Variants in CCDC43 observed in about 807,000 individuals in gnomAD.
The protein encoded by CCDC43 is coiled-coil domain containing 43, also known as coiled-coil domain-containing protein 43.
Under a neutral mutation model 33.3 loss-of-function variants are expected in CCDC43, and 20 were observed. The observed-to-expected ratio is 0.60, with a 90% CI of 0.42 to 0.87. The LOEUF (loss-of-function observed/expected upper bound fraction) is 0.87, where lower values mean the gene tolerates loss of function less well. Ranked by LOEUF, CCDC43 falls within the 40% of genes least tolerant of loss-of-function variation. The pLI is 0.00. For synonymous variants in CCDC43, 104 were observed against 106.5 expected, an observed-to-expected ratio of 0.98 and a Z score of 0.14; for missense variants, 248 against 269.9, an observed-to-expected ratio of 0.92 and a Z score of 0.57.
chr17:44,680,105 G>A (rs890840524), intron 4 of CCDC43, among the ~76,000 whole-genome samples: 9 of 151,808 alleles, frequency 5.9e-5, no homozygotes, highest in African/African-American at 1.7e-4. Context: ...AGCCTCCTGA[G>A]TATCTGGGAC....
chr17:44,688,005 T>C (rs1300384844), intron 1 of CCDC43: 1 of 152,220 alleles, frequency 6.6e-6, no homozygotes, highest in Admixed American at 6.5e-5. Context: ...ACCCAATCTA[T>C]GAACTGCTTC....
intron 3 of CCDC43, chr17:44,681,777 C>A (rs1428793799): frequency 9.4e-6 from 5 of 533,500 alleles, no homozygotes; most frequent in Non-Finnish European, 1.3e-5. Flanking sequence ...TTGTTTTACA[C>A]CAAAGTTTTC....
At chr17:44,682,391 TAAAA>T (rs67280453) in intron 2 of CCDC43, among the ~76,000 whole-genome samples, 1 of 100,994 alleles carries the variant, frequency 9.9e-6, no homozygotes, top group African/African-American at 3.9e-5. Context: ...TCTGCTGCCT[TAAAA>T]AAAAAAAAAA....
rs746397247 is a variant in CCDC43, at chr17:44,689,595, TTCC to T, written c.156_158del (p.Glu55del). 6.2e-7 allele frequency: 1 copy of T among 1,613,872 alleles called. No homozygotes were observed. The highest frequency in any genetic ancestry group is 1.3e-5 in the African/African-American group (1 of 74,928). ...CCTGCAGAGCGTCCAGCTTCTCTTCTTCCTCCTCCTCCTGCAGGATACCCAAGA... is the reference window on the plus strand; with the variant it reads ...CCTGCAGAGCGTCCAGCTTCTCTTCTTCCTCCTCCTGCAGGATACCCAAGA... On this transcript the variant is annotated inframe_deletion, in exon 1 of 5. Coordinates refer to ENST00000315286, the MANE Select transcript of CCDC43 (RefSeq NM_144609.3).
chr17:44,684,514 G>A (rs1264784547), intron 1 of CCDC43, among the ~76,000 whole-genome samples: 5 of 151,772 alleles, frequency 3.3e-5, no homozygotes, highest in East Asian at 1.9e-4. Flanking sequence ...CCTGGCCAAC[G>A]TGCTGAAACC....
At chr17:44,680,262 A>G (rs1972139992) in intron 4 of CCDC43, among the ~76,000 whole-genome samples, 1 of 152,180 alleles carries the variant, frequency 6.6e-6, no homozygotes, top group Non-Finnish European at 1.5e-5. Flanking sequence ...TGCCAGGACT[A>G]CAGGTGTAAG....
At chr17:44,684,762 C>T (rs1018439619) in intron 1 of CCDC43, among the ~76,000 whole-genome samples, 4 of 151,882 alleles carry the variant, frequency 2.6e-5, no homozygotes, top group African/African-American at 9.7e-5. Flanking sequence ...TTGAAGTATA[C>T]AATGCATTAT....
chr17:44,680,521 A>G lies in CCDC43; in HGVS notation c.487+64T>C, dbSNP rs138866645. The G allele has an allele frequency of 4.4e-3, 5,369 of 1,229,488 alleles. 21 individuals are homozygous for G. Among genetic ancestry groups the G allele is most frequent in the Non-Finnish European group, 4.4e-3 (3,696 of 837,544 alleles). 76.2% of individuals were successfully genotyped at this position (1,229,488 alleles called of 1,614,324 possible). A position where few individuals can be genotyped will look rare whatever the true frequency, so the allele number is the denominator to read the frequency against. The stretch of plus-strand genomic sequence containing the variant: ...AGGGGAGCCGCCAGCAATGACAGCA[A>G]AATAAAAACTGATCTCAAGAGGACT... On this transcript the variant is annotated intron_variant, in intron 4 of 4. Transcript: ENST00000315286.
intron 4 of CCDC43, 147 bp downstream of exon 4, chr17:44,680,438 A>G: frequency 1.7e-6 from 1 of 600,420 alleles, no homozygotes; most frequent in Non-Finnish European, 3.1e-6. Flanking sequence ...CTGACTATCT[A>G]GGGCTGTCCT....
intron 2 of CCDC43, 30 bp from the exon 3 acceptor site, chr17:44,682,168 T>A (rs753503179): frequency 6.2e-7 from 1 of 1,613,270 alleles, no homozygotes; most frequent in Non-Finnish European, 8.5e-7. Context: ...AGAACAAGGT[T>A]GTATGAGAGA....
At chr17:44,683,695 G>A (rs577871618) in intron 2 of CCDC43, among the ~76,000 whole-genome samples, 177 bp downstream of exon 2, 1 of 152,230 alleles carries the variant, frequency 6.6e-6, no homozygotes, top group Non-Finnish European at 1.5e-5. Context: ...TGCAAAAAAA[G>A]AAAAGGAAGC....
At chr17:44,688,959 C>G in intron 1 of CCDC43, 1 of 153,092 alleles carries the variant, frequency 6.5e-6, no homozygotes, top group East Asian at 1.9e-4. Context: ...TCTCTCATAC[C>G]CTCCTTCCCA....
At chr17:44,684,704 A>AT (rs1001497738) in intron 1 of CCDC43, among the ~76,000 whole-genome samples, 1 of 152,092 alleles carries the variant, frequency 6.6e-6, no homozygotes, top group Non-Finnish European at 1.5e-5. Context: ...TCAAAAAAAA[A>AT]AAAGAAAGAA....
At position 44,689,724 on chromosome 17, in the gene CCDC43, T is replaced by C. The variant is rs1160083392; in HGVS notation, c.30A>G (p.Ile10Met). Reference sequence around the variant, plus strand: ...CTCCGCCATCGCCTTCGCCAGGGGCTATCGCGGCCACTTCGCTGGGCGCCG... The same window carrying C: ...CTCCGCCATCGCCTTCGCCAGGGGCCATCGCGGCCACTTCGCTGGGCGCCG... The part of the protein sequence containing the change: MAAPSEVAA[I>M]APGEGDGGGG... The change falls in exon 1 of 5, where the codon ATA (isoleucine) becomes ATG (methionine). Residue 10 changes from isoleucine (I) to methionine (M), a missense_variant. Physicochemically the swap from Ile to Met is conservative, Grantham distance 10. Transcript: ENST00000315286. 3 of 1,584,496 alleles carry C rather than the reference T, an allele frequency of 1.9e-6. No homozygotes were observed. The highest frequency in any genetic ancestry group is 2.6e-6 in the Non-Finnish European group (3 of 1,166,764).
chr17:44,681,165 G>A (rs1418406377), intron 3 of CCDC43, among the ~76,000 whole-genome samples: 3 of 152,156 alleles, frequency 2.0e-5, no homozygotes, highest in South Asian at 4.1e-4. Flanking sequence ...GAGGCCAGGC[G>A]CGGTGGCTCA....
At chr17:44,681,913 G>A (rs1326887418) in intron 3 of CCDC43, 90 bp downstream of exon 3, 4 of 1,511,710 alleles carry the variant, frequency 2.6e-6, no homozygotes, top group Non-Finnish European at 3.6e-6. Flanking sequence ...CTATAGAGGG[G>A]GATTAGCAAC....
chr17:44,685,362 T>C (rs902978247), intron 1 of CCDC43, among the ~76,000 whole-genome samples: 22 of 152,184 alleles, frequency 1.4e-4, no homozygotes, highest in Admixed American at 4.6e-4. Flanking sequence ...AGGAGATACA[T>C]GACAAAATGG....
At chr17:44,687,616 A>AG (rs1276215889) in intron 1 of CCDC43, 2 of 152,226 alleles carry the variant, frequency 1.3e-5, no homozygotes, top group East Asian at 3.9e-4. Flanking sequence ...TTAAAAAAAA[A>AG]AAAAGGCAAA....
chr17:44,680,053 C>CT (rs1476626000), intron 4 of CCDC43, among the ~76,000 whole-genome samples: 2 of 152,068 alleles, frequency 1.3e-5, no homozygotes, highest in African/African-American at 4.8e-5. Flanking sequence ...TCTCGGCTCA[C>CT]TGCAGCCTTG....
Sources: gnomAD v4.1 joint callset for allele counts (sites outside exome capture counted in the v4.1 genomes callset) on GRCh38, gnomAD v4.1.1 for gene constraint, MANE v1.5 for transcripts, NCBI Gene and HGNC (gene_info 2026-07-23, HGNC 2026-07-21) for gene names.